The following KCND2 variants were observed in gnomAD, a reference collection of about 807,000 sequenced individuals.
KCND2 encodes potassium voltage-gated channel subfamily D member 2.
A neutral mutation model predicts 54.4 loss-of-function variants in KCND2; 16 were observed. That is an observed-to-expected ratio of 0.29 (90% confidence interval 0.20 to 0.45). The LOEUF is 0.45. KCND2 is among the 20% of genes least tolerant of loss of function. The probability of loss-of-function intolerance (pLI) is 1.00; values close to 1 mark genes in which losing one functional copy is unlikely to be tolerated. For synonymous variants in KCND2, 317 were observed against 310.7 expected (o/e 1.02, Z -0.21); for missense variants, 486 against 824.2 (o/e 0.59, Z 5.02).
intron 1 of KCND2, among the ~76,000 whole-genome samples, chr7:120,276,144 A>G (rs1385314965): frequency 6.6e-6 from 1 of 152,166 alleles, no homozygotes; most frequent in Admixed American, 6.5e-5. Flanking sequence ...TTTAAATGAA[A>G]AGTTTCCAGG....
At chr7:120,573,823 A>G (rs10224891) in intron 1 of KCND2, among the ~76,000 whole-genome samples, 17,351 of 152,174 alleles carry the variant, frequency 0.11, 1,569 homozygotes, top group African/African-American at 0.26. Flanking sequence ...TCAAAGCACC[A>G]ATTCTATAAT....
chr7:120,535,429 G>T (rs1315353840), intron 1 of KCND2, among the ~76,000 whole-genome samples: 2 of 152,130 alleles, frequency 1.3e-5, no homozygotes, highest in Non-Finnish European at 2.9e-5. Flanking sequence ...TTTAGTTGAG[G>T]ACATGTCACT....
intron 1 of KCND2, among the ~76,000 whole-genome samples, chr7:120,582,306 T>A (rs1792526667): frequency 6.6e-6 from 1 of 152,140 alleles, no homozygotes; most frequent in South Asian, 2.1e-4. Flanking sequence ...TCCATTTTCC[T>A]CCTTTCTAGC....
At chr7:120,283,854 A>T (rs962901494) in intron 1 of KCND2, among the ~76,000 whole-genome samples, 1 of 152,150 alleles carries the variant, frequency 6.6e-6, no homozygotes, top group Admixed American at 6.6e-5. Flanking sequence ...TATAAGCCTG[A>T]AAGACAAAAT....
chr7:120,560,916 A>G (rs1024168487), intron 1 of KCND2, among the ~76,000 whole-genome samples: 1 of 152,216 alleles, frequency 6.6e-6, no homozygotes, highest in Non-Finnish European at 1.5e-5. Flanking sequence ...CAATGCTACA[A>G]AAATTTGACC....
At chr7:120,416,845 A>G (rs143834614) in intron 1 of KCND2, among the ~76,000 whole-genome samples, 161 of 151,902 alleles carry the variant, frequency 1.1e-3, no homozygotes, top group African/African-American at 3.5e-3. Context: ...AGGTATTTAG[A>G]AAGCCTTGTT....
At chr7:120,677,564 G>A (rs1453449363) in intron 1 of KCND2, among the ~76,000 whole-genome samples, 1 of 117,162 alleles carries the variant, frequency 8.5e-6, no homozygotes, top group Non-Finnish European at 1.8e-5. Context: ...TAGATATATA[G>A]ATATATAGAT....
In KCND2 at chr7:120,275,010, G is replaced by A. The variant is rs866803837; in HGVS notation, c.378G>A (p.Pro126=). 1.2e-6 allele frequency: 2 copies of A among 1,614,016 alleles called. No homozygotes were observed. Among genetic ancestry groups the A allele is most frequent in the South Asian group, 1.1e-5 (1 of 91,082 alleles). Residue 126 remains proline, a synonymous_variant, in exon 1 of 6, where the codon CCG becomes CCA. Coordinates refer to ENST00000331113, the MANE Select transcript of KCND2 (RefSeq NM_012281.3). ...DEELAFFGLI[P]EIIGDCCYEE... Reference sequence around the variant, plus strand: ...AACTGGCCTTCTTTGGCCTCATCCCGGAAATCATCGGCGACTGCTGTTATG... The same window carrying A: ...AACTGGCCTTCTTTGGCCTCATCCCAGAAATCATCGGCGACTGCTGTTATG...
intron 1 of KCND2, among the ~76,000 whole-genome samples, chr7:120,639,753 G>A (rs1272857812): frequency 6.6e-6 from 1 of 152,086 alleles, no homozygotes; most frequent in African/African-American, 2.4e-5. Flanking sequence ...GTCGTGTTAC[G>A]TGTTTGAGCC....
At chr7:120,402,701 A>G (rs1041808220) in intron 1 of KCND2, among the ~76,000 whole-genome samples, 1 of 152,188 alleles carries the variant, frequency 6.6e-6, no homozygotes, top group Non-Finnish European at 1.5e-5. Context: ...ATTCCAGTGT[A>G]CTTTTAAAAA....
intron 1 of KCND2, among the ~76,000 whole-genome samples, chr7:120,703,153 A>G (rs1271669353): frequency 6.6e-6 from 1 of 152,206 alleles, no homozygotes; most frequent in East Asian, 1.9e-4. Context: ...CAAAGAGAGA[A>G]AGTATCTGAA....
chr7:120,493,044 A>G (rs1308412562), intron 1 of KCND2, among the ~76,000 whole-genome samples: 1 of 151,978 alleles, frequency 6.6e-6, no homozygotes, highest in Non-Finnish European at 1.5e-5. Context: ...CCACCTCCAA[A>G]GCCTCCACCT....
chr7:120,454,531 T>C (rs993970711), intron 1 of KCND2, among the ~76,000 whole-genome samples: 1 of 152,026 alleles, frequency 6.6e-6, no homozygotes, highest in African/African-American at 2.4e-5. Context: ...GACAAACCAA[T>C]AACAAGTTCC....
intron 1 of KCND2, among the ~76,000 whole-genome samples, chr7:120,286,413 A>T (rs1024515417): frequency 1.5e-4 from 23 of 151,942 alleles, no homozygotes; most frequent in Non-Finnish European, 2.9e-4. Context: ...ATTTTTAAGA[A>T]GATTTGGGGA....
intron 1 of KCND2, among the ~76,000 whole-genome samples, chr7:120,603,750 A>G (rs1792844111): frequency 6.6e-6 from 1 of 152,236 alleles, no homozygotes; most frequent in Admixed American, 6.5e-5. Context: ...GGTCCCTGTC[A>G]TGTGAAAACA....
chr7:120,706,073 G>A (rs1472708252), intron 1 of KCND2, among the ~76,000 whole-genome samples: 2 of 152,040 alleles, frequency 1.3e-5, no homozygotes, highest in East Asian at 1.9e-4. Context: ...TTAGACTGTA[G>A]GAAGACCCTG....
At chr7:120,373,222 G>T (rs1052771485) in intron 1 of KCND2, among the ~76,000 whole-genome samples, 3 of 151,558 alleles carry the variant, frequency 2.0e-5, no homozygotes, top group African/African-American at 7.3e-5. Flanking sequence ...CTAGATTTTT[G>T]AATATAGTAT....
At chr7:120,638,091 G>A (rs1004836769) in intron 1 of KCND2, among the ~76,000 whole-genome samples, 10 of 152,200 alleles carry the variant, frequency 6.6e-5, no homozygotes, top group Admixed American at 6.5e-4. Flanking sequence ...AATAAAGGTT[G>A]GAGCAAAAAG....
At chr7:120,710,330 G>T (rs940615439) in intron 1 of KCND2, among the ~76,000 whole-genome samples, 1 of 152,116 alleles carries the variant, frequency 6.6e-6, no homozygotes, top group African/African-American at 2.4e-5. Context: ...ATTGATTGAG[G>T]TATTAAATAT....
Sources: allele counts gnomAD v4.1 joint callset (sites outside exome capture counted in the v4.1 genomes callset), GRCh38; gene constraint gnomAD v4.1.1; transcripts MANE v1.5; gene names NCBI Gene and HGNC (gene_info 2026-07-23, HGNC 2026-07-21).